MARK1: variants seen among roughly 807,000 people sequenced by gnomAD.
The protein encoded by MARK1 is serine/threonine-protein kinase MARK1.
MARK1 carries 40 observed loss-of-function variants against 96.3 expected under a neutral mutation model. The ratio of observed to expected loss-of-function variants is 0.42; its 90% CI spans 0.32 to 0.54. MARK1 has a LOEUF of 0.54. MARK1 is among the 20% of genes least tolerant of loss of function. The pLI is 0.16. For synonymous variants in MARK1, 317 were observed against 341.2 expected (o/e 0.93, Z 0.78); for missense variants, 719 against 984.6 (o/e 0.73, Z 3.61).
At chr1:220,557,780 T>A (rs1662386868) in intron 1 of MARK1, among the ~76,000 whole-genome samples, 1 of 151,984 alleles carries the variant, frequency 6.6e-6, no homozygotes, top group Non-Finnish European at 1.5e-5. Context: ...AAAGAGCAAT[T>A]GCTTATTTTT....
intron 14 of MARK1, among the ~76,000 whole-genome samples, chr1:220,651,504 C>G (rs1199142439): frequency 6.6e-6 from 1 of 152,148 alleles, no homozygotes; most frequent in African/African-American, 2.4e-5. Context: ...CTCCTTTAAT[C>G]TGCAACAGTT....
At position 220,579,524 on chromosome 1, in the gene MARK1, C is replaced by G; in HGVS notation, c.222C>G (p.Val74=). The change falls in exon 2 of 18, where the codon GTC becomes GTG. Residue 74 remains valine (V), a synonymous_variant. Transcript: ENST00000366917. ...KTIGKGNFAK[V]KLARHVLTGR... ...TAGGGAAGGGAAATTTTGCCAAAGT[C>G]AAATTGGCAAGACACGTTCTAACTG... 6.2e-7 allele frequency: 1 copy of G among 1,613,970 alleles called. No individual in the cohort carries two copies. The highest frequency in any genetic ancestry group is 8.5e-7 in the Non-Finnish European group (1 of 1,179,940).
At chr1:220,559,369 T>C (rs2786618) in intron 1 of MARK1, among the ~76,000 whole-genome samples, 142,982 of 152,270 alleles carry the variant, frequency 0.94, 67,843 homozygotes, top group East Asian at 1. Flanking sequence ...AAGGCTAGTC[T>C]CAGTGGAATG....
chr1:220,598,075 A>G (rs539203011), intron 3 of MARK1, among the ~76,000 whole-genome samples: 2 of 152,296 alleles, frequency 1.3e-5, no homozygotes, highest in East Asian at 1.9e-4. Flanking sequence ...CACACCACAG[A>G]CACACACAGA....
intron 1 of MARK1, among the ~76,000 whole-genome samples, chr1:220,571,072 T>G (rs1189118002): frequency 6.6e-6 from 1 of 152,208 alleles, no homozygotes; most frequent in Non-Finnish European, 1.5e-5. Flanking sequence ...TCAAATAAAA[T>G]TGATTTTTTT....
intron 11 of MARK1, 126 bp from the exon 12 acceptor site, chr1:220,635,250 G>GT (rs1667886304): frequency 3.3e-6 from 3 of 919,608 alleles, no homozygotes; most frequent in Admixed American, 3.3e-5. Flanking sequence ...ATACTACACT[G>GT]TTTTTTCAGT....
At chr1:220,652,341 A>G (rs1668928149) in intron 15 of MARK1, among the ~76,000 whole-genome samples, 191 bp downstream of exon 15, 2 of 152,236 alleles carry the variant, frequency 1.3e-5, no homozygotes, top group Admixed American at 1.3e-4. Context: ...GTTGCATATA[A>G]CTTAAATCAT....
At chr1:220,596,914 C>T (rs544640740) in intron 3 of MARK1, among the ~76,000 whole-genome samples, 1 of 152,284 alleles carries the variant, frequency 6.6e-6, no homozygotes, top group Non-Finnish European at 1.5e-5. Context: ...CTTTACATCT[C>T]TATGAATTTG....
intron 17 of MARK1, among the ~76,000 whole-genome samples, chr1:220,658,392 G>A (rs959963334): frequency 1.3e-5 from 2 of 152,136 alleles, no homozygotes; most frequent in African/African-American, 2.4e-5. Flanking sequence ...TGATAAAAAG[G>A]TTGCTGGATC....
chr1:220,558,201 T>C (rs914084610), intron 1 of MARK1, among the ~76,000 whole-genome samples: 1 of 149,184 alleles, frequency 6.7e-6, no homozygotes, highest in Non-Finnish European at 1.5e-5. Context: ...AGGGGAAACA[T>C]TGGAGCTAAA....
intron 1 of MARK1, among the ~76,000 whole-genome samples, chr1:220,537,862 T>G (rs1194945775): frequency 6.6e-6 from 1 of 151,922 alleles, no homozygotes; most frequent in Non-Finnish European, 1.5e-5. Flanking sequence ...TTTTCATGTG[T>G]CTTTTGGCTG....
intron 1 of MARK1, among the ~76,000 whole-genome samples, chr1:220,552,972 C>G (rs1661969842): frequency 6.6e-6 from 1 of 152,154 alleles, no homozygotes; most frequent in Non-Finnish European, 1.5e-5. Flanking sequence ...CCATGCATAA[C>G]CTTCATCCCT....
chr1:220,659,695 T>C (rs1045233301), intron 17 of MARK1, among the ~76,000 whole-genome samples: 1 of 152,218 alleles, frequency 6.6e-6, no homozygotes, highest in Admixed American at 6.5e-5. Flanking sequence ...CTTAAGGTCA[T>C]CTTAAGGTGG....
At chr1:220,601,038 C>T (rs1240397356) in intron 5 of MARK1, among the ~76,000 whole-genome samples, 3 of 151,976 alleles carry the variant, frequency 2.0e-5, no homozygotes, top group Non-Finnish European at 2.9e-5. Flanking sequence ...CTGCCCCAGC[C>T]TCCCGAGTAG....
intron 16 of MARK1, 91 bp from the exon 17 acceptor site, chr1:220,657,699 A>G: frequency 1.1e-6 from 1 of 918,650 alleles, no homozygotes; most frequent in East Asian, 3.0e-5. Flanking sequence ...AGTTTGCTCA[A>G]CAAGCTAATT....
chr1:220,655,443 C>T lies in MARK1; in HGVS notation c.1988+2091C>T, dbSNP rs574826654. 9.2e-4 allele frequency among the ~76,000 whole-genome samples: 140 copies of T among 152,278 alleles called. 1 individual carries two copies. Among genetic ancestry groups the T allele is most frequent in the Non-Finnish European group, 1.0e-3 (70 of 68,020 alleles). On this transcript the variant is annotated intron_variant, in intron 16 of 17. Coordinates refer to ENST00000366917, the MANE Select transcript of MARK1 (RefSeq NM_018650.5). Reference sequence around the variant, plus strand: ...CAGAACATGTTCAAAAGTAAACTCTCGTTCCTCTTCCCAAACCTGTCCCTC... The same window carrying T: ...CAGAACATGTTCAAAAGTAAACTCTTGTTCCTCTTCCCAAACCTGTCCCTC...
intron 3 of MARK1, among the ~76,000 whole-genome samples, chr1:220,592,808 G>T (rs1665086009): frequency 6.6e-6 from 1 of 152,152 alleles, no homozygotes; most frequent in Non-Finnish European, 1.5e-5. Context: ...GAGCATTATG[G>T]GTGCACAGAT....
intron 1 of MARK1, among the ~76,000 whole-genome samples, chr1:220,571,322 T>C (rs1663436577): frequency 6.6e-6 from 1 of 152,136 alleles, no homozygotes; most frequent in Non-Finnish European, 1.5e-5. Context: ...TTTAAAAAAA[T>C]AAGGTAGTTT....
intron 13 of MARK1, among the ~76,000 whole-genome samples, chr1:220,645,464 C>T (rs1257303692): frequency 2.0e-5 from 3 of 152,262 alleles, no homozygotes; most frequent in African/African-American, 7.2e-5. Context: ...GATGGATTTA[C>T]AGCTGAATTC....
Sources: allele counts gnomAD v4.1 joint callset (sites outside exome capture counted in the v4.1 genomes callset), GRCh38; gene constraint gnomAD v4.1.1; transcripts MANE v1.5; gene names NCBI Gene and HGNC (gene_info 2026-07-23, HGNC 2026-07-21).